Variants in BRINP1 observed in about 807,000 individuals in gnomAD.
BRINP1 encodes the protein BMP/retinoic acid inducible neural specific 1.
BRINP1 carries 17 observed loss-of-function variants against 72.9 expected under a neutral mutation model. That is an observed-to-expected ratio of 0.23 (90% confidence interval 0.16 to 0.35). The LOEUF (loss-of-function observed/expected upper bound fraction) is 0.35. Among genes scored for constraint, BRINP1 ranks in the 10% least tolerant of loss-of-function variants. The pLI, the probability that BRINP1 is intolerant of heterozygous loss-of-function variation, is 1.00. For missense variants in BRINP1, 850 were observed against 1,001.6 expected (o/e 0.85, Z 2.04); for synonymous variants, 418 against 378.5 (o/e 1.10, Z -1.21).
At chr9:119,185,458 T>C (rs1829607098) in intron 7 of BRINP1, among the ~76,000 whole-genome samples, 1 of 152,200 alleles carries the variant, frequency 6.6e-6, no homozygotes, top group African/African-American at 2.4e-5. Flanking sequence ...CATTAGCCTT[T>C]GTACTAAAAT....
At chr9:119,268,281 T>TAGATAGATAGATAGAC (rs1564233773) in intron 2 of BRINP1, among the ~76,000 whole-genome samples, 1 of 146,462 alleles carries the variant, frequency 6.8e-6, no homozygotes, top group Non-Finnish European at 1.5e-5. Context: ...GATAGATAGA[T>TAGATAGATAGATAGAC]AGATAGATAG....
chr9:119,352,914 C>A (rs1831520346), intron 1 of BRINP1, among the ~76,000 whole-genome samples: 1 of 152,184 alleles, frequency 6.6e-6, no homozygotes. Flanking sequence ...TTTCCAGACC[C>A]TTTTCTTTGA....
At chr9:119,355,464 C>A (rs1211462045) in intron 1 of BRINP1, among the ~76,000 whole-genome samples, 1 of 152,156 alleles carries the variant, frequency 6.6e-6, no homozygotes, top group Non-Finnish European at 1.5e-5. Context: ...CACGGTGGCT[C>A]ACGCCTGTAA....
chr9:119,239,763 T>C (rs189145913), intron 4 of BRINP1, among the ~76,000 whole-genome samples: 7 of 152,354 alleles, frequency 4.6e-5, no homozygotes, highest in Admixed American at 2.0e-4. Context: ...TTGAAGGGTT[T>C]AGCACTTCGG....
chr9:119,325,923 GTGCCTT>G (rs1214166993), intron 1 of BRINP1, among the ~76,000 whole-genome samples: 1 of 152,128 alleles, frequency 6.6e-6, no homozygotes, highest in Non-Finnish European at 1.5e-5. Context: ...CCATGCCTCA[GTGCCTT>G]GTTTAGACTG....
intron 2 of BRINP1, among the ~76,000 whole-genome samples, chr9:119,288,753 C>A (rs1449508334): frequency 6.6e-6 from 1 of 152,024 alleles, no homozygotes. Context: ...GGTGAATGCA[C>A]CAAAGGAGAG....
intron 1 of BRINP1, among the ~76,000 whole-genome samples, chr9:119,348,975 T>C (rs1052025583): frequency 6.6e-6 from 1 of 152,198 alleles, no homozygotes; most frequent in African/African-American, 2.4e-5. Flanking sequence ...CATTTGATCC[T>C]GACAACCTCC....
chr9:119,288,905 A>G (rs1392727371), intron 2 of BRINP1, among the ~76,000 whole-genome samples: 1 of 151,938 alleles, frequency 6.6e-6, no homozygotes, highest in African/African-American at 2.4e-5. Context: ...AAGCTATTCT[A>G]TTCTCCTGCC....
intron 1 of BRINP1, among the ~76,000 whole-genome samples, chr9:119,316,499 C>G (rs1831126424): frequency 6.6e-6 from 1 of 152,146 alleles, no homozygotes; most frequent in South Asian, 2.1e-4. Flanking sequence ...GACAGACTGT[C>G]TCTCGTTAGG....
chr9:119,196,993 C>T (rs986226554), intron 7 of BRINP1, among the ~76,000 whole-genome samples: 9 of 152,186 alleles, frequency 5.9e-5, no homozygotes, highest in Non-Finnish European at 1.0e-4. Flanking sequence ...AAGGCTATGT[C>T]GTGATATTCC....
intron 7 of BRINP1, among the ~76,000 whole-genome samples, chr9:119,176,126 A>G (rs1367024500): frequency 6.6e-6 from 1 of 152,188 alleles, no homozygotes; most frequent in Non-Finnish European, 1.5e-5. Flanking sequence ...ACTGTCAGCA[A>G]TATTTTACAG....
chr9:119,231,693 T>A (rs986918248), intron 5 of BRINP1, among the ~76,000 whole-genome samples: 2 of 152,068 alleles, frequency 1.3e-5, no homozygotes, highest in Non-Finnish European at 2.9e-5. Flanking sequence ...TTTGACGCAG[T>A]TACTGCTGTC....
intron 7 of BRINP1, among the ~76,000 whole-genome samples, chr9:119,170,109 C>T (rs898898256): frequency 1.1e-4 from 17 of 152,076 alleles, no homozygotes; most frequent in African/African-American, 2.4e-4. Context: ...TCCTCACCAG[C>T]AACGGAACAA....
intron 7 of BRINP1, among the ~76,000 whole-genome samples, chr9:119,184,718 G>A (rs545223078): frequency 4.6e-5 from 7 of 152,266 alleles, no homozygotes; most frequent in African/African-American, 1.4e-4. Context: ...CCTGGTCCCT[G>A]TGACAGATGA....
At chr9:119,191,164 C>T (rs1588159513) in intron 7 of BRINP1, among the ~76,000 whole-genome samples, 1 of 151,750 alleles carries the variant, frequency 6.6e-6, no homozygotes, top group East Asian at 1.9e-4. Context: ...ATGAAAAACC[C>T]ACAGCTAACA....
intron 1 of BRINP1, among the ~76,000 whole-genome samples, chr9:119,345,528 G>C (rs1484284634): frequency 2.0e-5 from 3 of 152,068 alleles, no homozygotes; most frequent in African/African-American, 7.2e-5. Context: ...CCATCTTACT[G>C]TCTGTTTCAT....
At chr9:119,257,489 G>T (rs113979051) in intron 2 of BRINP1, among the ~76,000 whole-genome samples, 10 of 152,308 alleles carry the variant, frequency 6.6e-5, no homozygotes, top group African/African-American at 1.9e-4. Context: ...CCCGAATAAA[G>T]GTTTGTTGAA....
chr9:119,333,789 G>A (rs1352538186), intron 1 of BRINP1, among the ~76,000 whole-genome samples: 2 of 152,142 alleles, frequency 1.3e-5, no homozygotes, highest in Non-Finnish European at 2.9e-5. Context: ...AAGGAACAAG[G>A]TGTTTCATTG....
At chr9:119,284,571 T>C (rs879917084) in intron 2 of BRINP1, among the ~76,000 whole-genome samples, 2 of 152,186 alleles carry the variant, frequency 1.3e-5, no homozygotes, top group Non-Finnish European at 2.9e-5. Flanking sequence ...AAAGCAACTC[T>C]TTCCCTCCCT....
Sources: allele counts gnomAD v4.1 joint callset (sites outside exome capture counted in the v4.1 genomes callset), GRCh38; gene constraint gnomAD v4.1.1; transcripts MANE v1.5; gene names NCBI Gene and HGNC (gene_info 2026-07-23, HGNC 2026-07-21).